CIMAP3: variants seen among roughly 807,000 people sequenced by gnomAD.
CIMAP3 encodes the protein ciliary microtubule-associated protein 3.
the CIMAP3 span, among the ~76,000 whole-genome samples, chr1:111,332,841 G>A: frequency 6.6e-6 from 1 of 152,198 alleles, no homozygotes; most frequent in Non-Finnish European, 1.5e-5. Flanking sequence ...TGCTCAGCTG[G>A]CCTGGGGGCT....
the CIMAP3 span, among the ~76,000 whole-genome samples, chr1:111,333,334 C>T: frequency 3.2e-4 from 48 of 152,224 alleles, no homozygotes; most frequent in African/African-American, 1.0e-3. Context: ...AAAGATGGAG[C>T]GCAGTGCTGG....
At chr1:111,348,607 C>T in the CIMAP3 span, 1 of 1,612,188 alleles carries the variant, frequency 6.2e-7, no homozygotes, top group African/African-American at 1.3e-5. Context: ...GTCTTGGTGC[C>T]TCGATTTAAG....
chr1:111,351,351 C>G, the CIMAP3 span: 1 of 1,527,202 alleles, frequency 6.5e-7, no homozygotes, highest in South Asian at 1.3e-5. Flanking sequence ...CCTTCACGTG[C>G]TCCTCTTATA....
the CIMAP3 span, chr1:111,348,670 ACTTC>A: frequency 2.6e-6 from 4 of 1,543,872 alleles, no homozygotes; most frequent in Admixed American, 2.2e-5. Context: ...CTTTTGGTGC[ACTTC>A]AACAAAAAAA....
At chr1:111,344,309 C>A in the CIMAP3 span, among the ~76,000 whole-genome samples, 2 of 152,294 alleles carry the variant, frequency 1.3e-5, no homozygotes, top group African/African-American at 4.8e-5. Flanking sequence ...GGGTTTATCT[C>A]TTTGAAGTTC....
At chr1:111,330,023 G>GTTTCTCA in the CIMAP3 span, among the ~76,000 whole-genome samples, 1 of 152,190 alleles carries the variant, frequency 6.6e-6, no homozygotes, top group African/African-American at 2.4e-5. Flanking sequence ...CTTGTATTGT[G>GTTTCTCA]GATCTGTCAG....
At chr1:111,346,921 A>G in the CIMAP3 span, 1 of 1,613,842 alleles carries the variant, frequency 6.2e-7, no homozygotes. Flanking sequence ...CGCTGCGGAT[A>G]ACTACCCTTT....
At chr1:111,343,595 C>A in the CIMAP3 span, among the ~76,000 whole-genome samples, 1,202 of 152,312 alleles carry the variant, frequency 7.9e-3, 15 homozygotes, top group African/African-American at 0.027. Flanking sequence ...AAAAACTGGC[C>A]TTTTGGCAAT....
the CIMAP3 span, among the ~76,000 whole-genome samples, chr1:111,337,728 C>T: frequency 1.3e-5 from 2 of 152,200 alleles, no homozygotes; most frequent in South Asian, 4.1e-4. Flanking sequence ...GAGAATTAGA[C>T]TCCCACACAA....
the CIMAP3 span, chr1:111,347,115 A>C: frequency 6.7e-7 from 1 of 1,497,950 alleles, no homozygotes; most frequent in Non-Finnish European, 8.9e-7. Context: ...CCAAGTTTCC[A>C]AGTTTCGTAA....
At chr1:111,329,888 C>T in the CIMAP3 span, among the ~76,000 whole-genome samples, 10 of 152,036 alleles carry the variant, frequency 6.6e-5, no homozygotes, top group Non-Finnish European at 1.0e-4. Context: ...TTGTTCATTC[C>T]TTTTCATTTT....
chr1:111,327,944 G>A, the CIMAP3 span, among the ~76,000 whole-genome samples: 5 of 152,016 alleles, frequency 3.3e-5, no homozygotes, highest in Admixed American at 2.6e-4. Flanking sequence ...GTGAAGTTAG[G>A]TTAATTTGAG....
chr1:111,344,142 C>T, the CIMAP3 span, among the ~76,000 whole-genome samples: 1 of 152,186 alleles, frequency 6.6e-6, no homozygotes, highest in South Asian at 2.1e-4. Context: ...TTAGTTGAGT[C>T]TCTGGATGAT....
the CIMAP3 span, among the ~76,000 whole-genome samples, chr1:111,335,154 GACA>G: frequency 2.0e-5 from 1 of 51,192 alleles, no homozygotes; most frequent in Admixed American, 1.6e-4. Flanking sequence ...AAAAAAAAAA[GACA>G]GAAAAAAAAA....
At chr1:111,341,333 A>G in the CIMAP3 span, among the ~76,000 whole-genome samples, 2 of 152,086 alleles carry the variant, frequency 1.3e-5, no homozygotes, top group Non-Finnish European at 2.9e-5. Flanking sequence ...CATTGTGCAC[A>G]TGTACCCTAA....
the CIMAP3 span, among the ~76,000 whole-genome samples, chr1:111,331,995 A>C: frequency 7.9e-5 from 12 of 152,196 alleles, no homozygotes; most frequent in Non-Finnish European, 1.5e-4. Context: ...AGAGTTTCTC[A>C]GTGGCTTAGG....
chr1:111,328,819 T>A, the CIMAP3 span, among the ~76,000 whole-genome samples: 1 of 151,622 alleles, frequency 6.6e-6, no homozygotes, highest in Non-Finnish European at 1.5e-5. Flanking sequence ...TCTCTGTGCC[T>A]TTTAAGTGGG....
the CIMAP3 span, among the ~76,000 whole-genome samples, chr1:111,331,484 G>A: frequency 1.3e-5 from 2 of 152,036 alleles, no homozygotes; most frequent in Non-Finnish European, 2.9e-5. Flanking sequence ...GTCTGTTGTT[G>A]AATCTCTTAA....
At chr1:111,342,329 G>GTTCT in the CIMAP3 span, among the ~76,000 whole-genome samples, 2 of 152,210 alleles carry the variant, frequency 1.3e-5, no homozygotes, top group African/African-American at 2.4e-5. Context: ...CCATGTCTAA[G>GTTCT]TTCTGTACAT....
Sources: allele counts gnomAD v4.1 joint callset (sites outside exome capture counted in the v4.1 genomes callset), GRCh38; gene constraint gnomAD v4.1.1; transcripts MANE v1.5; gene names NCBI Gene and HGNC (gene_info 2026-07-23, HGNC 2026-07-21).